Variants in PCDH9 observed in about 807,000 individuals in gnomAD.
The protein encoded by PCDH9 is protocadherin 9.
PCDH9 carries 24 observed loss-of-function variants against 70.6 expected under a neutral mutation model. That is an observed-to-expected ratio of 0.34 (90% confidence interval 0.25 to 0.48). The LOEUF is 0.48. Among genes scored for constraint, PCDH9 ranks in the 20% least tolerant of loss-of-function variants. The probability of loss-of-function intolerance (pLI) is 0.99; values close to 1 mark genes in which losing one functional copy is unlikely to be tolerated. For synonymous variants in PCDH9, 562 were observed against 558.5 expected (o/e 1.01, Z -0.09); for missense variants, 1,281 against 1,503.6 (o/e 0.85, Z 2.45).
intron 4 of PCDH9, among the ~76,000 whole-genome samples, chr13:66,327,144 T>C (rs1566243492): frequency 6.6e-6 from 1 of 152,206 alleles, no homozygotes; most frequent in African/African-American, 2.4e-5. Flanking sequence ...CAAGTCACAT[T>C]ACTAAGAATG....
intron 4 of PCDH9, among the ~76,000 whole-genome samples, chr13:66,397,557 G>C (rs1304963529): frequency 6.6e-6 from 1 of 150,500 alleles, no homozygotes; most frequent in South Asian, 2.1e-4. Flanking sequence ...ATATATATGT[G>C]TATATATGTA....
intron 2 of PCDH9, chr13:66,996,198 T>C (rs1399739654): frequency 6.6e-6 from 1 of 152,234 alleles, no homozygotes; most frequent in Non-Finnish European, 1.5e-5. Context: ...CGGGACATTT[T>C]ATTGAATGTT....
At chr13:66,496,733 T>C (rs1455614303) in intron 4 of PCDH9, among the ~76,000 whole-genome samples, 1 of 152,196 alleles carries the variant, frequency 6.6e-6, no homozygotes, top group Admixed American at 6.5e-5. Flanking sequence ...AATTAGGTAC[T>C]TGTCCCTTAT....
rs1354240212 is a variant in PCDH9, at chr13:66,498,155, T to C, written c.3340+133055A>G. Among the ~76,000 whole-genome samples, 247 of 151,122 alleles carry C rather than the reference T, an allele frequency of 1.6e-3. 2 individuals are homozygous for C. Among genetic ancestry groups the C allele is most frequent in the Non-Finnish European group, 1.9e-3 (127 of 67,742 alleles). On this transcript the variant is annotated intron_variant, in intron 4 of 4. Transcript: ENST00000377865. ...CTAATTTTATTTATTATTATTATTT[T>C]TTTTTTGAGACCAAGTCTCGCTCTG...
At chr13:66,684,924 A>C (rs1228481653) in intron 3 of PCDH9, among the ~76,000 whole-genome samples, 1 of 152,160 alleles carries the variant, frequency 6.6e-6, no homozygotes, top group Non-Finnish European at 1.5e-5. Context: ...CAAAATGTTA[A>C]TAATGATATA....
intron 3 of PCDH9, among the ~76,000 whole-genome samples, chr13:66,774,022 C>G (rs1032853229): frequency 1.3e-5 from 2 of 152,158 alleles, no homozygotes; most frequent in East Asian, 3.9e-4. Flanking sequence ...AGGTTATCCA[C>G]CTGCCTCAGC....
intron 4 of PCDH9, among the ~76,000 whole-genome samples, chr13:66,510,208 C>T (rs952841815): frequency 1.3e-5 from 2 of 151,992 alleles, no homozygotes; most frequent in African/African-American, 4.8e-5. Context: ...TTTTGCTTAA[C>T]CAATCTACTG....
At chr13:67,060,149 G>A (rs906235814) in intron 2 of PCDH9, among the ~76,000 whole-genome samples, 11 of 152,016 alleles carry the variant, frequency 7.2e-5, no homozygotes, top group Non-Finnish European at 1.5e-5. Context: ...CACATTGCTG[G>A]AAGAATTTCA....
In PCDH9 at chr13:66,811,973, G is replaced by A. The variant is rs1471412300; in HGVS notation, c.3138+91531C>T. Among the ~76,000 whole-genome samples the A allele has an allele frequency of 3.3e-5, 5 of 151,918 alleles. No individual in the cohort carries two copies. The East Asian group carries it at 9.7e-4, about 29-fold the overall frequency. On this transcript the variant is annotated intron_variant, in intron 3 of 4. Coordinates refer to ENST00000377865, the MANE Select transcript of PCDH9 (RefSeq NM_203487.3). ...GGTTACACACAGTATTTGTTTATGT[G>A]AGGAAGTTGTTTAGTGGTGATTTGT...
At chr13:66,948,010 G>T (rs1265306505) in intron 2 of PCDH9, among the ~76,000 whole-genome samples, 1 of 152,112 alleles carries the variant, frequency 6.6e-6, no homozygotes, top group African/African-American at 2.4e-5. Context: ...ATGGGGGGAT[G>T]ATGTGAGAGA....
At chr13:66,699,914 G>A (rs111803706) in intron 3 of PCDH9, among the ~76,000 whole-genome samples, 49 of 137,582 alleles carry the variant, frequency 3.6e-4, no homozygotes, top group African/African-American at 9.7e-4. Flanking sequence ...GAGGGACTGC[G>A]TTAGGCTGAT....
chr13:66,592,353 C>G (rs2077049264), intron 4 of PCDH9, among the ~76,000 whole-genome samples: 1 of 151,546 alleles, frequency 6.6e-6, no homozygotes, highest in African/African-American at 2.4e-5. Flanking sequence ...AAGAAAGGGT[C>G]TAAAATATTC....
intron 4 of PCDH9, among the ~76,000 whole-genome samples, chr13:66,414,649 A>G (rs912187516): frequency 1.3e-5 from 2 of 152,226 alleles, no homozygotes; most frequent in African/African-American, 4.8e-5. Flanking sequence ...GCAGGATGCT[A>G]CTAAATACTG....
chr13:66,853,722 T>C (rs2081351286), intron 3 of PCDH9, among the ~76,000 whole-genome samples: 1 of 151,834 alleles, frequency 6.6e-6, no homozygotes, highest in Non-Finnish European at 1.5e-5. Flanking sequence ...CTTGGGATAA[T>C]GACTGATTCA....
chr13:66,930,785 T>C lies in PCDH9; in HGVS notation c.3037-27180A>G, dbSNP rs1389563280. Among the ~76,000 whole-genome samples, 3 of 152,146 alleles carry C rather than the reference T, an allele frequency of 2.0e-5. No individual in the cohort carries two copies. In the East Asian group the frequency reaches 5.8e-4, roughly 29 times the overall value. Reference sequence around the variant, plus strand: ...CAATGTTACCTCTTTTAATGTAATTTTGTGTAGGTGTCCACATTTTCTGAC... The same window carrying C: ...CAATGTTACCTCTTTTAATGTAATTCTGTGTAGGTGTCCACATTTTCTGAC... On this transcript the variant is annotated intron_variant, in intron 2 of 4. Coordinates refer to ENST00000377865, the MANE Select transcript of PCDH9 (RefSeq NM_203487.3).
chr13:66,656,486 C>T (rs1364867069), intron 3 of PCDH9, among the ~76,000 whole-genome samples: 2 of 152,108 alleles, frequency 1.3e-5, no homozygotes, highest in Non-Finnish European at 2.9e-5. Context: ...AAAAATTCTG[C>T]AGTTTTCTTT....
chr13:66,880,435 T>C (rs1241916520), intron 3 of PCDH9, among the ~76,000 whole-genome samples: 1 of 152,196 alleles, frequency 6.6e-6, no homozygotes, highest in Non-Finnish European at 1.5e-5. Flanking sequence ...CTATTCTTAG[T>C]AATTAAAAAC....
At chr13:66,732,326 A>G (rs2079089281) in intron 3 of PCDH9, among the ~76,000 whole-genome samples, 1 of 151,926 alleles carries the variant, frequency 6.6e-6, no homozygotes. Flanking sequence ...TGTTAACTAT[A>G]GCTTTCCTAC....
rs185167381 is a variant in PCDH9 at position 66,599,029 on chromosome 13, T to G, written c.3340+32181A>C. Among the ~76,000 whole-genome samples the G allele has an allele frequency of 9.2e-5, 14 of 151,884 alleles. No homozygotes were observed. The East Asian group carries it at 2.3e-3, about 25-fold the overall frequency. ...AGTGAATAATTTAAAATCAAGTAAT[T>G]TTTTTTACATCTAACTAGAAATTTA... On this transcript the variant is annotated intron_variant, in intron 4 of 4. Coordinates refer to ENST00000377865, the MANE Select transcript of PCDH9 (RefSeq NM_203487.3).
Sources: gnomAD v4.1 joint callset for allele counts (sites outside exome capture counted in the v4.1 genomes callset) on GRCh38, gnomAD v4.1.1 for gene constraint, MANE v1.5 for transcripts, NCBI Gene and HGNC (gene_info 2026-07-23, HGNC 2026-07-21) for gene names.